The following RNF141 variants were observed in gnomAD, a reference collection of about 807,000 sequenced individuals.
RNF141 encodes the protein C3HC4-like zinc finger protein.
A neutral mutation model predicts 27.4 loss-of-function variants in RNF141; 18 were observed. The ratio of observed to expected loss-of-function variants is 0.66; its 90% confidence interval spans 0.45 to 0.97. RNF141 has a LOEUF of 0.97. Ranked by LOEUF, RNF141 falls within the 50% of genes least tolerant of loss-of-function variation. RNF141 has a pLI of 0.00. For missense variants in RNF141, 230 were observed against 279.4 expected (o/e 0.82, Z 1.26); for synonymous variants, 97 against 96.6 (o/e 1.00, Z -0.02).
intron 5 of RNF141, 76 bp from the exon 6 acceptor site, chr11:10,515,142 C>A: frequency 1.4e-6 from 2 of 1,435,608 alleles, no homozygotes; most frequent in Non-Finnish European, 1.9e-6. Flanking sequence ...GTAATACATG[C>A]ACATGGCTTT....
intron 4 of RNF141, 86 bp from the exon 5 acceptor site, chr11:10,519,227 CA>C: frequency 9.0e-7 from 1 of 1,108,800 alleles, no homozygotes; most frequent in South Asian, 1.4e-5. Flanking sequence ...CATTATTAAA[CA>C]TCTATATGCC....
rs142139233 is a variant in RNF141, at chr11:10,512,255, T to A, written c.*2661A>T. 1.3e-5 allele frequency: 2 copies of A among 152,766 alleles called. No homozygotes were observed. The highest frequency in any genetic ancestry group is 4.8e-5 in the African/African-American group (2 of 41,576). 9.5% of individuals were successfully genotyped at this position (152,766 alleles called of 1,614,324 possible). A position where few individuals can be genotyped will look rare whatever the true frequency, so the allele number is the denominator to read the frequency against. ...GTGTACATTTCATCCATTAAACAAA[T>A]TTACAACTTTTACGATTAGTTATTA... On this transcript the variant is annotated 3_prime_UTR_variant, in exon 6 of 6. Transcript: ENST00000265981.
At chr11:10,531,374 C>A (rs1414097769) in intron 2 of RNF141, among the ~76,000 whole-genome samples, 754 of 133,846 alleles carry the variant, frequency 5.6e-3, no homozygotes, top group Admixed American at 6.0e-3. Flanking sequence ...GACTCAGTCT[C>A]AAAAAAAAAA....
intron 4 of RNF141, 59 bp from the exon 5 acceptor site, chr11:10,519,200 T>C: frequency 6.8e-7 from 1 of 1,477,072 alleles, no homozygotes; most frequent in Non-Finnish European, 9.4e-7. Context: ...CTTTATACTT[T>C]TTGTTGCTTT....
At chr11:10,528,900 T>A (rs10500726) in intron 3 of RNF141, among the ~76,000 whole-genome samples, 68,371 of 151,988 alleles carry the variant, frequency 0.45, 16,796 homozygotes, top group East Asian at 0.66. Flanking sequence ...AACAACTTTT[T>A]TCGTAATGCA....
intron 1 of RNF141, among the ~76,000 whole-genome samples, chr11:10,535,398 C>T (rs928910439): frequency 6.9e-5 from 10 of 145,860 alleles, no homozygotes; most frequent in Non-Finnish European, 1.3e-4. Context: ...TCTGAGCCTA[C>T]TTGGTAATAA....
chr11:10,514,936 C>G lies in RNF141; in HGVS notation c.673G>C (p.Gly225Arg). 1 of 1,613,280 alleles carries G rather than the reference C, an allele frequency of 6.2e-7. No individual in the cohort carries two copies. Among genetic ancestry groups the G allele is most frequent in the South Asian group, 1.1e-5 (1 of 90,886 alleles). The change falls in exon 6 of 6, where the codon GGC becomes CGC. Residue 225 changes from glycine to arginine, a missense_variant. Transcript: ENST00000265981. ...NYILNMADEA[G>R]QPHRP ...CAAGGTCATGGCCTGTGGGGCTGGC[C>G]TGCCTCATCAGCCATGTTAAGAATA...
Position 10,532,535 on chromosome 11 carries a change from A to ACC in RNF141, c.143+1480_143+1481insGG, listed in dbSNP as rs1421511870. ...CACACACACACACACACACACACAC[A>ACC]CACCCCACAACTATATACAGCTTTT... On this transcript the variant is annotated intron_variant, in intron 2 of 5. Coordinates refer to ENST00000265981, the MANE Select transcript of RNF141 (RefSeq NM_016422.4). Among the ~76,000 whole-genome samples the ACC allele has an allele frequency of 4.6e-4, 43 of 93,678 alleles. 1 individual carries two copies. In the East Asian group the frequency reaches 9.3e-3, roughly 20 times the overall value. The allele number at this position is 93,678 out of a possible 152,430, so 61.5% of individuals were successfully genotyped here.
At chr11:10,523,108 C>T (rs1253726892) in intron 4 of RNF141, among the ~76,000 whole-genome samples, 1 of 152,222 alleles carries the variant, frequency 6.6e-6, no homozygotes, top group Non-Finnish European at 1.5e-5. Flanking sequence ...GTTACTTGTA[C>T]TTGCAAGTCG....
chr11:10,528,424 C>T (rs1489579117), intron 3 of RNF141, among the ~76,000 whole-genome samples: 1 of 152,132 alleles, frequency 6.6e-6, no homozygotes, highest in African/African-American at 2.4e-5. Flanking sequence ...ACTTTTGTTT[C>T]TCTACTTAGA....
At position 10,512,553 on chromosome 11, in the gene RNF141, T is replaced by C. The variant is rs1289098382; in HGVS notation, c.*2363A>G. ...TGGAAAGATCCAAAACTCTGTAAGG[T>C]AACTCTGTTCACTTTTCAGAAACAT... On this transcript the variant is annotated 3_prime_UTR_variant, in exon 6 of 6. Transcript: ENST00000265981. 6.6e-6 allele frequency: 1 copy of C among 152,528 alleles called. No homozygotes were observed. Among genetic ancestry groups the C allele is most frequent in the Admixed American group, 6.5e-5 (1 of 15,274 alleles). The allele number at this position is 152,528 out of a possible 1,614,324, so 9.4% of individuals were successfully genotyped here.
At chr11:10,535,383 T>C (rs1531479) in intron 1 of RNF141, among the ~76,000 whole-genome samples, 49,132 of 148,718 alleles carry the variant, frequency 0.33, 9,762 homozygotes, top group East Asian at 0.67. Context: ...AACAACAGTT[T>C]TGAATCTGAG....
rs996862035 is a variant in RNF141 at position 10,512,328 on chromosome 11, C to G, written c.*2588G>C. On this transcript the variant is annotated 3_prime_UTR_variant, in exon 6 of 6. Transcript: ENST00000265981. Reference sequence around the variant, plus strand: ...ACATCTAAATAATTATCACCCAGTTCAATAGAGCGAACAAAGAGCTGTGCT... The same window carrying G: ...ACATCTAAATAATTATCACCCAGTTGAATAGAGCGAACAAAGAGCTGTGCT... 1 of 152,618 alleles carries G rather than the reference C, an allele frequency of 6.6e-6. No individual in the cohort carries two copies. Among genetic ancestry groups the G allele is most frequent in the South Asian group, 2.1e-4 (1 of 4,826 alleles). The allele number at this position is 152,618 out of a possible 1,614,324, so 9.5% of individuals were successfully genotyped here.
intron 3 of RNF141, among the ~76,000 whole-genome samples, chr11:10,527,271 T>C (rs1849944024): frequency 6.6e-6 from 1 of 152,062 alleles, no homozygotes; most frequent in Non-Finnish European, 1.5e-5. Flanking sequence ...AAAATACAGA[T>C]ACAGATTAGG....
In RNF141 at chr11:10,525,229, A is replaced by G. The variant is rs1047784974; in HGVS notation, c.397T>C (p.Ser133Pro). ...TSEEPDENSS[S>P]VTSCQASLWM... ...AGACTAGCCTGACAAGATGTTACAG[A>G]GGATGAGTTTTCATCAGGTTCTTCA... Residue 133 changes from serine to proline, a missense_variant, in exon 4 of 6, where the codon TCT becomes CCT. Physicochemically the swap from Ser to Pro is moderately conservative, Grantham distance 74. Coordinates refer to ENST00000265981, the MANE Select transcript of RNF141 (RefSeq NM_016422.4). The G allele has an allele frequency of 2.5e-6, 4 of 1,611,826 alleles. No individual in the cohort carries two copies. Among genetic ancestry groups the G allele is most frequent in the African/African-American group, 2.7e-5 (2 of 74,902 alleles).
At chr11:10,515,110 T>A (rs562836585) in intron 5 of RNF141, 44 bp from the exon 6 acceptor site, 1 of 1,565,716 alleles carries the variant, frequency 6.4e-7, no homozygotes, top group East Asian at 2.3e-5. Context: ...TCTTCTTTTT[T>A]AAAAACAGGA....
In RNF141 at chr11:10,519,092, G is replaced by C; in HGVS notation, c.484C>G (p.Arg162Gly). The change falls in exon 5 of 6, where the codon CGG becomes GGG. Residue 162 changes from arginine to glycine, a missense_variant. Coordinates refer to ENST00000265981, the MANE Select transcript of RNF141 (RefSeq NM_016422.4). ...EEECCICMDGRADLILPCAHS... is the reference protein window; with the variant it reads ...EEECCICMDGGADLILPCAHS... ...GCACAAGGCAGGATGAGGTCAGCCC[G>C]CCCATCCATACAGATACAACACTCC... 6.2e-7 allele frequency: 1 copy of C among 1,613,902 alleles called. No individual in the cohort carries two copies. The highest frequency in any genetic ancestry group is 8.5e-7 in the Non-Finnish European group (1 of 1,179,936).
chr11:10,535,894 T>C (rs1850030610), intron 1 of RNF141, among the ~76,000 whole-genome samples: 1 of 152,140 alleles, frequency 6.6e-6, no homozygotes, highest in African/African-American at 2.4e-5. Flanking sequence ...AAGCCAAGGG[T>C]TGCAGACTGG....
intron 4 of RNF141, 62 bp from the exon 5 acceptor site, chr11:10,519,203 G>A: frequency 6.8e-7 from 1 of 1,465,122 alleles, no homozygotes; most frequent in Non-Finnish European, 9.4e-7. Flanking sequence ...TATACTTTTT[G>A]TTGCTTTAAA....
Sources: allele counts gnomAD v4.1 joint callset (sites outside exome capture counted in the v4.1 genomes callset), GRCh38; gene constraint gnomAD v4.1.1; transcripts MANE v1.5; gene names NCBI Gene and HGNC (gene_info 2026-07-23, HGNC 2026-07-21).